CTNND2: variants seen among roughly 807,000 people sequenced by gnomAD.
CTNND2 encodes catenin delta 2.
Under a neutral mutation model 144.4 loss-of-function variants are expected in CTNND2, and 22 were observed. The ratio of observed to expected loss-of-function variants is 0.15; its 90% CI spans 0.11 to 0.22. CTNND2 has a LOEUF of 0.22. CTNND2 is among the 10% of genes least tolerant of loss of function. The pLI is 1.00. For missense variants in CTNND2, 1,353 were observed against 1,618.8 expected (o/e 0.84, Z 2.82); for synonymous variants, 751 against 695.6 (o/e 1.08, Z -1.25).
intron 3 of CTNND2, among the ~76,000 whole-genome samples, chr5:11,459,378 T>A (rs1766005863): frequency 6.6e-6 from 1 of 151,964 alleles, no homozygotes; most frequent in African/African-American, 2.4e-5. Context: ...ATAAGTAGAG[T>A]CTTCATATTA....
intron 1 of CTNND2, among the ~76,000 whole-genome samples, chr5:11,793,284 T>C (rs914109295): frequency 1.4e-4 from 21 of 152,186 alleles, no homozygotes; most frequent in Non-Finnish European, 4.4e-5. Context: ...GAAATGGCAA[T>C]TCTGTTCCTC....
At chr5:11,106,350 C>T (rs61755672) in intron 14 of CTNND2, among the ~76,000 whole-genome samples, 4,789 of 152,308 alleles carry the variant, frequency 0.031, 118 homozygotes, top group Non-Finnish European at 0.049. Context: ...TATTCCTCTA[C>T]CATGGAATTC....
At chr5:11,497,517 G>GGGGGGGGGGGGGGA (rs1770079811) in intron 3 of CTNND2, among the ~76,000 whole-genome samples, 1 of 58,762 alleles carries the variant, frequency 1.7e-5, no homozygotes, top group African/African-American at 6.9e-5. Flanking sequence ...TGTGCGGGGG[G>GGGGGGGGGGGGGGA]GTGGGGGGGG....
chr5:11,665,487 T>C (rs1009276466), intron 2 of CTNND2, among the ~76,000 whole-genome samples: 77 of 152,296 alleles, frequency 5.1e-4, no homozygotes, highest in African/African-American at 1.8e-3. Context: ...TGTTATCATC[T>C]TTAGGGATTT....
intron 15 of CTNND2, among the ~76,000 whole-genome samples, chr5:11,094,985 A>G (rs1315185173): frequency 6.6e-6 from 1 of 152,276 alleles, no homozygotes; most frequent in African/African-American, 2.4e-5. Context: ...GAACTAATGC[A>G]CAGATTTATT....
At chr5:11,266,619 T>A (rs891423332) in intron 9 of CTNND2, among the ~76,000 whole-genome samples, 2 of 152,206 alleles carry the variant, frequency 1.3e-5, no homozygotes, top group African/African-American at 4.8e-5. Context: ...ACTGATTACA[T>A]CTCTTCCTCC....
rs756505594 is a variant in CTNND2, at chr5:11,199,686, T to C, written c.1762-25A>G. 4.4e-6 allele frequency: 7 copies of C among 1,595,974 alleles called. No individual in the cohort carries two copies. In the African/African-American group the frequency reaches 5.4e-5, roughly 12 times the overall value. ...TCTGAAAGAGCAAAGGACACCACTT[T>C]TGCTTTACAGTGTAAGGTTTCCCTA... On this transcript the variant is annotated intron_variant, in intron 10 of 21. Transcript: ENST00000304623.
In CTNND2 at chr5:11,301,615, T is replaced by C. The variant is rs562204162; in HGVS notation, c.1628+44757A>G. ...ATTTTCTTCCCCTGAAGTTTCATTG[T>C]TGAGAGAGAAGAAATTACATTTTAA... On this transcript the variant is annotated intron_variant, in intron 9 of 21. Transcript: ENST00000304623. 2.0e-5 allele frequency among the ~76,000 whole-genome samples: 3 copies of C among 152,342 alleles called. No individual in the cohort carries two copies. The South Asian group carries it at 6.2e-4, about 32-fold the overall frequency.
intron 3 of CTNND2, among the ~76,000 whole-genome samples, chr5:11,522,696 G>A (rs1359600736): frequency 6.6e-6 from 1 of 152,114 alleles, no homozygotes; most frequent in African/African-American, 2.4e-5. Context: ...TCTAATCACA[G>A]TTGACTCATG....
chr5:11,012,565 C>CG (rs1741201969), intron 18 of CTNND2, among the ~76,000 whole-genome samples: 1 of 152,190 alleles, frequency 6.6e-6, no homozygotes, highest in African/African-American at 2.4e-5. Context: ...AATCGGAGGG[C>CG]TACTCATGGT....
intron 2 of CTNND2, among the ~76,000 whole-genome samples, chr5:11,724,396 C>T (rs925719847): frequency 3.3e-5 from 5 of 152,092 alleles, no homozygotes; most frequent in African/African-American, 9.7e-5. Context: ...GAATAAATTG[C>T]CTCTGGCTTT....
At position 11,228,366 on chromosome 5, in the gene CTNND2, A is replaced by C. The variant is rs955608021; in HGVS notation, c.1761+8325T>G. On this transcript the variant is annotated intron_variant, in intron 10 of 21. Coordinates refer to ENST00000304623, the MANE Select transcript of CTNND2 (RefSeq NM_001332.4). ...CTCTCTCTCTCTCAAAAAAAAAAAA[A>C]AAAAAAAAAAAAACAAAGAATGTGA... is the stretch of plus-strand genomic sequence containing the variant. Among the ~76,000 whole-genome samples, 26 of 146,182 alleles carry C rather than the reference A, an allele frequency of 1.8e-4. No homozygotes were observed. The South Asian group carries it at 3.4e-3, about 19-fold the overall frequency.
intron 20 of CTNND2, among the ~76,000 whole-genome samples, chr5:10,985,210 G>A (rs1737792119): frequency 6.6e-6 from 1 of 152,226 alleles, no homozygotes; most frequent in Admixed American, 6.5e-5. Context: ...AAAACCTCCA[G>A]GTGAATTTAA....
intron 9 of CTNND2, among the ~76,000 whole-genome samples, chr5:11,239,091 A>T (rs2149901023): frequency 6.6e-6 from 1 of 152,376 alleles, no homozygotes; most frequent in East Asian, 1.9e-4. Context: ...GATGGCTAAG[A>T]TGAATTCAGG....
At chr5:11,875,572 G>A (rs1735504609) in intron 1 of CTNND2, among the ~76,000 whole-genome samples, 1 of 151,984 alleles carries the variant, frequency 6.6e-6, no homozygotes, top group Non-Finnish European at 1.5e-5. Flanking sequence ...GTGAGGGTTG[G>A]GCCCTCATGA....
At chr5:11,443,237 T>G (rs1294722665) in intron 3 of CTNND2, among the ~76,000 whole-genome samples, 1 of 58,208 alleles carries the variant, frequency 1.7e-5, no homozygotes, top group Admixed American at 1.3e-4. Context: ...GTGTGTGTGA[T>G]GTGTGTGTGT....
At chr5:11,869,131 C>T (rs991864072) in intron 1 of CTNND2, among the ~76,000 whole-genome samples, 1 of 152,158 alleles carries the variant, frequency 6.6e-6, no homozygotes, top group African/African-American at 2.4e-5. Context: ...CTGGAACCCT[C>T]ATGCATTGCT....
At chr5:11,571,725 C>G (rs570515221) in intron 2 of CTNND2, among the ~76,000 whole-genome samples, 15 of 152,166 alleles carry the variant, frequency 9.9e-5, no homozygotes, top group Non-Finnish European at 4.4e-5. Context: ...TTTAACTCAC[C>G]CCCCTGCTTA....
At chr5:11,483,692 T>C (rs758472187) in intron 3 of CTNND2, among the ~76,000 whole-genome samples, 1 of 152,202 alleles carries the variant, frequency 6.6e-6, no homozygotes, top group Non-Finnish European at 1.5e-5. Context: ...ACTTCATGGT[T>C]CAGTGATGCA....
Sources: gnomAD v4.1 joint callset for allele counts (sites outside exome capture counted in the v4.1 genomes callset) on GRCh38, gnomAD v4.1.1 for gene constraint, MANE v1.5 for transcripts, NCBI Gene and HGNC (gene_info 2026-07-23, HGNC 2026-07-21) for gene names.